SLC25A26: variants seen among roughly 807,000 people sequenced by gnomAD.
The protein encoded by SLC25A26 is solute carrier family 25 member 26.
SLC25A26 carries 36 observed loss-of-function variants against 37.8 expected under a neutral mutation model. The observed-to-expected ratio is 0.95, with a 90% confidence interval of 0.73 to 1.26. The LOEUF (loss-of-function observed/expected upper bound fraction) is 1.26, where lower values mean the gene tolerates loss of function less well. Ranked by LOEUF, SLC25A26 falls within the 50% of genes most tolerant of loss-of-function variation. The pLI is 0.00. For synonymous variants in SLC25A26, 129 were observed against 122.5 expected (o/e 1.05, Z -0.35); for missense variants, 390 against 331.1 (o/e 1.18, Z -1.38).
chr3:66,368,120 T>A (rs1195937856), intron 7 of SLC25A26, among the ~76,000 whole-genome samples: 1 of 152,154 alleles, frequency 6.6e-6, no homozygotes, highest in Non-Finnish European at 1.5e-5. Flanking sequence ...TAATTAGATA[T>A]TTGGCAGAGA....
rs572365663 is a variant in SLC25A26 at position 66,174,608 on chromosome 3, G to A, written c.-354+40624G>A. 6.0e-5 allele frequency among the ~76,000 whole-genome samples: 9 copies of A among 151,248 alleles called. No individual in the cohort carries two copies. The East Asian group carries it at 1.6e-3, about 26-fold the overall frequency. On this transcript the variant is annotated intron_variant, in intron 1 of 10. Coordinates refer to the SLC25A26 transcript ENST00000676754. Reference sequence around the variant, plus strand: ...ATCCTGGCTAACACGGTGAAACCCCGTCTCTACTTAAAAAAAACACAGAAA... The same window carrying A: ...ATCCTGGCTAACACGGTGAAACCCCATCTCTACTTAAAAAAAACACAGAAA...
intron 5 of SLC25A26, among the ~76,000 whole-genome samples, chr3:66,318,275 C>T (rs376065737): frequency 7.5e-4 from 114 of 152,324 alleles, no homozygotes; most frequent in African/African-American, 2.7e-3. Flanking sequence ...CTGCACAGTT[C>T]TGTGCTTAGG....
chr3:66,173,652 G>T (rs147781870), intron 1 of SLC25A26, among the ~76,000 whole-genome samples: 13,037 of 152,232 alleles, frequency 0.086, 701 homozygotes, highest in Middle Eastern at 0.19. Flanking sequence ...TTATATAAAA[G>T]AACATAATTG....
At chr3:66,331,889 C>T (rs568867612) in intron 5 of SLC25A26, among the ~76,000 whole-genome samples, 2 of 152,030 alleles carry the variant, frequency 1.3e-5, no homozygotes. Context: ...TCCTCTTGTT[C>T]AGCTTTCCCC....
chr3:66,207,191 C>A (rs1429038669), intron 1 of SLC25A26, among the ~76,000 whole-genome samples: 1 of 152,028 alleles, frequency 6.6e-6, no homozygotes, highest in Non-Finnish European at 1.5e-5. Context: ...CCCAAGTACC[C>A]GCCTCACCTA....
In SLC25A26 at chr3:66,365,586, C is replaced by G. The variant is rs142549454; in HGVS notation, c.568+2657C>G. On this transcript the variant is annotated intron_variant, in intron 7 of 9. Transcript: ENST00000354883. ...GATTAGTTTCTCATAATAAACACCT[C>G]TGTACATTCTCTAGGAGAGAAGAGG... Among the ~76,000 whole-genome samples the G allele has an allele frequency of 5.1e-3, 775 of 152,280 alleles. 5 individuals are homozygous for G. The highest frequency in any genetic ancestry group is 8.6e-3 in the Non-Finnish European group (587 of 68,028).
intron 6 of SLC25A26, among the ~76,000 whole-genome samples, chr3:66,355,829 G>A (rs1412035362): frequency 6.6e-6 from 1 of 152,118 alleles, no homozygotes. Context: ...AACTTCTGGT[G>A]GTAAACTCAC....
At chr3:66,215,783 A>G (rs1192857300) in intron 1 of SLC25A26, among the ~76,000 whole-genome samples, 2 of 152,218 alleles carry the variant, frequency 1.3e-5, no homozygotes, top group East Asian at 3.8e-4. Flanking sequence ...ATGGATTGAA[A>G]TAGTTCCAGG....
At chr3:66,273,391 G>A (rs2074022017) in intron 5 of SLC25A26, among the ~76,000 whole-genome samples, 1 of 152,046 alleles carries the variant, frequency 6.6e-6, no homozygotes, top group South Asian at 2.1e-4. Flanking sequence ...TGTACCTCTG[G>A]TAGAATTCGG....
chr3:66,208,466 G>T (rs1041991993), intron 1 of SLC25A26, among the ~76,000 whole-genome samples: 247 of 151,900 alleles, frequency 1.6e-3, no homozygotes, highest in African/African-American at 5.4e-3. Context: ...ATGCCCTCTT[G>T]CCAGAAAAAC....
chr3:66,328,932 A>C (rs577537631), intron 5 of SLC25A26, among the ~76,000 whole-genome samples: 1 of 152,178 alleles, frequency 6.6e-6, no homozygotes, highest in South Asian at 2.1e-4. Context: ...CTCCTGGCCA[A>C]CCTTTTTAAA....
intron 5 of SLC25A26, among the ~76,000 whole-genome samples, chr3:66,297,517 C>A (rs2074943670): frequency 6.6e-6 from 1 of 152,146 alleles, no homozygotes; most frequent in South Asian, 2.1e-4. Context: ...GACATCAGGA[C>A]ACTGAAGGTC....
At chr3:66,143,191 T>C (rs2070061716) in intron 1 of SLC25A26, among the ~76,000 whole-genome samples, 1 of 152,342 alleles carries the variant, frequency 6.6e-6, no homozygotes, top group East Asian at 1.9e-4. Flanking sequence ...CCATTATCCA[T>C]TATATCCATT....
At chr3:66,164,811 A>G (rs564825639) in intron 1 of SLC25A26, among the ~76,000 whole-genome samples, 1 of 152,308 alleles carries the variant, frequency 6.6e-6, no homozygotes, top group South Asian at 2.1e-4. Context: ...CACCTGCACA[A>G]AATCAGGGTT....
intron 5 of SLC25A26, among the ~76,000 whole-genome samples, chr3:66,345,288 G>A (rs1439130535): frequency 6.6e-6 from 1 of 152,100 alleles, no homozygotes; most frequent in Non-Finnish European, 1.5e-5. Flanking sequence ...TCCTTGAAGG[G>A]TGCGAGCTTC....
intron 1 of SLC25A26, among the ~76,000 whole-genome samples, chr3:66,194,006 T>G (rs916487340): frequency 6.6e-6 from 1 of 152,222 alleles, no homozygotes; most frequent in Non-Finnish European, 1.5e-5. Flanking sequence ...TTCTTCATGA[T>G]GTAACCATAA....
chr3:66,190,421 A>C (rs2070917674), intron 1 of SLC25A26, among the ~76,000 whole-genome samples: 1 of 151,974 alleles, frequency 6.6e-6, no homozygotes, highest in Non-Finnish European at 1.5e-5. Context: ...ACAGTTAAGA[A>C]TTTTATCTAT....
intron 8 of SLC25A26, 120 bp downstream of exon 8, chr3:66,369,662 T>C (rs1394644940): frequency 7.4e-6 from 6 of 814,646 alleles, no homozygotes; most frequent in Non-Finnish European, 1.0e-5. Context: ...CATCTTATGC[T>C]GCCTGTGCAA....
chr3:66,253,988 A>G (rs1033865730), intron 3 of SLC25A26, among the ~76,000 whole-genome samples: 1 of 152,224 alleles, frequency 6.6e-6, no homozygotes, highest in Non-Finnish European at 1.5e-5. Flanking sequence ...TTCTTTGAGA[A>G]GACTTCCTTG....
Sources: allele counts gnomAD v4.1 joint callset (sites outside exome capture counted in the v4.1 genomes callset), GRCh38; gene constraint gnomAD v4.1.1; transcripts MANE v1.5; gene names NCBI Gene and HGNC (gene_info 2026-07-23, HGNC 2026-07-21).